HNF1A: variants seen among roughly 807,000 people sequenced by gnomAD.
The protein encoded by HNF1A is hepatocyte nuclear factor 1-alpha.
Under a neutral mutation model 62.2 loss-of-function variants are expected in HNF1A, and 21 were observed. The ratio of observed to expected loss-of-function variants is 0.34; its 90% CI spans 0.24 to 0.49. HNF1A has a LOEUF of 0.49. HNF1A is among the 20% of genes least tolerant of loss of function. HNF1A has a pLI of 0.99. For missense variants in HNF1A, 687 were observed against 832.3 expected (o/e 0.83, Z 2.15); for synonymous variants, 374 against 366.8 (o/e 1.02, Z -0.22).
rs1405241064 is a variant in HNF1A, at chr12:120,992,351, C to T, written c.527-1169C>T. Among the ~76,000 whole-genome samples the T allele has an allele frequency of 2.0e-5, 3 of 152,228 alleles. No individual in the cohort carries two copies. In the East Asian group the frequency reaches 5.8e-4, roughly 29 times the overall value. On this transcript the variant is annotated intron_variant, in intron 2 of 9. Coordinates refer to ENST00000257555, the MANE Select transcript of HNF1A (RefSeq NM_000545.8). ...GGAAAAGAGCTCTTCTTTTCAGCTA[C>T]TTTCAGTTGAATGACTCTTTTTATA... is the stretch of plus-strand genomic sequence containing the variant.
chr12:121,001,014 G>C, intron 9 of HNF1A, 51 bp from the exon 10 acceptor site: 1 of 1,609,136 alleles, frequency 6.2e-7, no homozygotes, highest in East Asian at 2.2e-5. Flanking sequence ...AGGCAGGTGG[G>C]GTGGGTGTGG....
rs735396 is a variant in HNF1A, at chr12:121,001,041, T to C, written c.1769-24T>C. 587,461 of 1,611,356 alleles carry C rather than the reference T, an allele frequency of 0.36. 111,479 individuals are homozygous for C. Among genetic ancestry groups the C allele is most frequent in the Middle Eastern group, 0.55 (3,334 of 6,058 alleles). On this transcript the variant is annotated intron_variant, in intron 9 of 9. Coordinates refer to ENST00000257555, the MANE Select transcript of HNF1A (RefSeq NM_000545.8). ...TGGGTGTGGGTGCCTGGTGGGTGGC[T>C]AGCAGCCTTGTTTGCCTCTGCAGTG...
chr12:120,989,053 G>A lies in HNF1A; in HGVS notation c.526+21G>A, dbSNP rs189361737. On this transcript the variant is annotated intron_variant, in intron 2 of 9. Coordinates refer to ENST00000257555, the MANE Select transcript of HNF1A (RefSeq NM_000545.8). ...GCAGCGTAAGTAATGACCCTACCCC[G>A]CATCTTCCCTGGGAGGGCCCAGGAC... The A allele has an allele frequency of 1.6e-5, 26 of 1,612,074 alleles. No individual in the cohort carries two copies. In the East Asian group the frequency reaches 2.5e-4, roughly 15 times the overall value.
chr12:121,000,873 G>A, intron 9 of HNF1A, 192 bp from the exon 10 acceptor site: 1 of 699,120 alleles, frequency 1.4e-6, no homozygotes, highest in South Asian at 1.7e-5. Flanking sequence ...CACTCCATGG[G>A]CGGCCGTGGA....
intron 1 of HNF1A, 144 bp downstream of exon 1, chr12:120,979,238 GC>G: frequency 1.3e-6 from 1 of 767,580 alleles, no homozygotes; most frequent in Non-Finnish European, 2.2e-6. Flanking sequence ...GCCCATGAGA[GC>G]CCAGGGGTCC....
In HNF1A at chr12:121,001,456, C is replaced by G. The variant is rs974407604; in HGVS notation, c.*264C>G. ...TCATGGCAGATGTAGGAGGGACTGT[C>G]GCTGCTTCGTGGGATACAGTCTTCT... On this transcript the variant is annotated 3_prime_UTR_variant, in exon 10 of 10. Transcript: ENST00000257555. The G allele has an allele frequency of 1.9e-6, 1 of 520,294 alleles. No homozygotes were observed. Among genetic ancestry groups the G allele is most frequent in the African/African-American group, 1.9e-5 (1 of 52,638 alleles). The allele number at this position is 520,294 out of a possible 1,614,324, so 32.2% of individuals were successfully genotyped here. A position where few individuals can be genotyped will look rare whatever the true frequency, so the allele number is the denominator to read the frequency against.
chr12:121,001,833 G>A lies in HNF1A; in HGVS notation c.*641G>A, dbSNP rs1426692846. The A allele has an allele frequency of 1.9e-6, 1 of 532,930 alleles. No individual in the cohort carries two copies. The highest frequency in any genetic ancestry group is 1.9e-5 in the African/African-American group (1 of 53,868). 33.0% of individuals were successfully genotyped at this position (532,930 alleles called of 1,614,324 possible). ...GAGGCCGAAGCTAACAGGGAAGGCA[G>A]GCAGGGCTCTCCTGGCTTCCCATCC... On this transcript the variant is annotated 3_prime_UTR_variant, in exon 10 of 10. Transcript: ENST00000257555.
At position 120,978,650 on chromosome 12, in the gene HNF1A, G is replaced by A. The variant is rs371945966; in HGVS notation, c.-119G>A. On this transcript the variant is annotated 5_prime_UTR_variant, in exon 1 of 10. Coordinates refer to ENST00000257555, the MANE Select transcript of HNF1A (RefSeq NM_000545.8). The stretch of plus-strand genomic sequence containing the variant: ...GCTTGGCTAGTGGGGTTTTGGGGGG[G>A]CAGTGGGTGCAAGGAGTTTGGTTTG... The A allele has an allele frequency of 2.3e-5, 22 of 947,560 alleles. No individual in the cohort carries two copies. The African/African-American group carries it at 2.7e-4, about 12-fold the overall frequency. 58.7% of individuals were successfully genotyped at this position (947,560 alleles called of 1,614,324 possible).
intron 4 of HNF1A, among the ~76,000 whole-genome samples, chr12:120,995,922 C>T (rs1877076417): frequency 6.6e-6 from 1 of 152,198 alleles, no homozygotes; most frequent in African/African-American, 2.4e-5. Context: ...CAATTCAATT[C>T]ATTCATTTCA....
At position 120,978,954 on chromosome 12, in the gene HNF1A, T is replaced by C. The variant is rs1202840595; in HGVS notation, c.186T>C (p.Asn62=). 6.2e-7 allele frequency: 1 copy of C among 1,609,008 alleles called. No homozygotes were observed. The highest frequency in any genetic ancestry group is 8.5e-7 in the Non-Finnish European group (1 of 1,177,898). Reference sequence around the variant, plus strand: ...GAGGGGAGCTGGCTGAGCTGCCCAATGGGCTGGGGGAGACTCGGGGCTCCG... The same window carrying C: ...GAGGGGAGCTGGCTGAGCTGCCCAACGGGCTGGGGGAGACTCGGGGCTCCG... ...GGRGELAELP[N]GLGETRGSED... The change falls in exon 1 of 10, where the codon AAT becomes AAC. Residue 62 remains asparagine, a synonymous_variant. Coordinates refer to ENST00000257555, the MANE Select transcript of HNF1A (RefSeq NM_000545.8).
chr12:120,999,287 C>A lies in HNF1A; in HGVS notation c.1521C>A (p.Pro507=), dbSNP rs977750039. The A allele has an allele frequency of 1.1e-5, 18 of 1,613,924 alleles. No individual in the cohort carries two copies. Among genetic ancestry groups the A allele is most frequent in the Non-Finnish European group, 1.5e-5 (18 of 1,180,030 alleles). Reference sequence around the variant, plus strand: ...GGCCAGCCCTCTACAGCCACAAGCCCGAGGTGGCCCAGTACACCCACACGG... The same window carrying A: ...GGCCAGCCCTCTACAGCCACAAGCCAGAGGTGGCCCAGTACACCCACACGG... ...QSPHALYSHK[P]EVAQYTHTGL... The change falls in exon 8 of 10, where the codon CCC becomes CCA. Residue 507 remains proline (P), a synonymous_variant. Coordinates refer to ENST00000257555, the MANE Select transcript of HNF1A (RefSeq NM_000545.8).
intron 7 of HNF1A, among the ~76,000 whole-genome samples, chr12:120,998,660 C>G (rs760146529): frequency 1.3e-5 from 2 of 151,970 alleles, no homozygotes; most frequent in Non-Finnish European, 2.9e-5. Context: ...TTCCTAGTGT[C>G]TGTGTGTCTC....
chr12:120,987,142 G>C (rs1036218994), intron 1 of HNF1A, among the ~76,000 whole-genome samples: 26 of 152,080 alleles, frequency 1.7e-4, no homozygotes, highest in African/African-American at 6.3e-4. Context: ...GTACTATGAG[G>C]CCTCTGAATG....
In HNF1A at chr12:120,979,070, A is replaced by G; in HGVS notation, c.302A>G (p.Lys101Arg). 1 of 1,611,198 alleles carries G rather than the reference A, an allele frequency of 6.2e-7. No individual in the cohort carries two copies. Among genetic ancestry groups the G allele is most frequent in the Admixed American group, 1.7e-5 (1 of 59,690 alleles). Residue 101 changes from lysine (K) to arginine (R), a missense_variant, in exon 1 of 10, where the codon AAA becomes AGA. Transcript: ENST00000257555. ...NLSPEEAAHQ[K>R]AVVETLLQED... ...AGCCCTGAGGAGGCGGCCCACCAGA[A>G]AGCCGTGGTGGAGACCCTTCTGCAG...
At position 120,978,764 on chromosome 12, in the gene HNF1A, G is replaced by T; in HGVS notation, c.-5G>T. 6.2e-7 allele frequency: 1 copy of T among 1,612,626 alleles called. No individual in the cohort carries two copies. Among genetic ancestry groups the T allele is most frequent in the Non-Finnish European group, 8.5e-7 (1 of 1,179,772 alleles). The stretch of plus-strand genomic sequence containing the variant: ...CGGGCCGCGTGGCCCTGTGGCAGCC[G>T]AGCCATGGTTTCTAAACTGAGCCAG... On this transcript the variant is annotated 5_prime_UTR_variant, in exon 1 of 10. Coordinates refer to ENST00000257555, the MANE Select transcript of HNF1A (RefSeq NM_000545.8).
At chr12:120,995,466 C>G (rs1016834823) in intron 4 of HNF1A, among the ~76,000 whole-genome samples, 2 of 152,130 alleles carry the variant, frequency 1.3e-5, no homozygotes, top group African/African-American at 4.8e-5. Context: ...CCCATCCACT[C>G]AACTCCATTC....
chr12:121,002,390 G>A lies in HNF1A; in HGVS notation c.*1198G>A, dbSNP rs540820462. ...GAGAACCTGGCCTTCAGTGTACCGC[G>A]TCTACCCTGGGATTCAGGAAAAGGC... On this transcript the variant is annotated 3_prime_UTR_variant, in exon 10 of 10. Coordinates refer to ENST00000257555, the MANE Select transcript of HNF1A (RefSeq NM_000545.8). 42 of 525,082 alleles carry A rather than the reference G, an allele frequency of 8.0e-5. 1 individual carries two copies. Among genetic ancestry groups the A allele is most frequent in the African/African-American group, 7.3e-4 (39 of 53,376 alleles). 32.5% of individuals were successfully genotyped at this position (525,082 alleles called of 1,614,324 possible). A position where few individuals can be genotyped will look rare whatever the true frequency, so the allele number is the denominator to read the frequency against.
Position 120,978,906 on chromosome 12 carries a change from G to C in HNF1A, c.138G>C (p.Lys46Asn). The change falls in exon 1 of 10, where the codon AAG (lysine) becomes AAC (asparagine). Residue 46 changes from lysine to asparagine, a missense_variant. Coordinates refer to ENST00000257555, the MANE Select transcript of HNF1A (RefSeq NM_000545.8). Reference protein sequence around the residue: ...YLLAGEGPLDKGESCGGGRGE... With the variant: ...YLLAGEGPLDNGESCGGGRGE... The stretch of plus-strand genomic sequence containing the variant: ...TGGCTGGAGAAGGCCCCCTGGACAA[G>C]GGGGAGTCCTGCGGCGGCGGTCGAG... 6.2e-7 allele frequency: 1 copy of C among 1,612,996 alleles called. No homozygotes were observed. Among genetic ancestry groups the C allele is most frequent in the Admixed American group, 1.7e-5 (1 of 59,872 alleles).
At chr12:120,999,724 C>T in intron 9 of HNF1A, 97 bp downstream of exon 9, 2 of 1,450,880 alleles carry the variant, frequency 1.4e-6, no homozygotes, top group Non-Finnish European at 1.8e-6. Context: ...TGGGGCTGTG[C>T]ATGCAGCAGG....
Sources: gnomAD v4.1 joint callset for allele counts (sites outside exome capture counted in the v4.1 genomes callset) on GRCh38, gnomAD v4.1.1 for gene constraint, MANE v1.5 for transcripts, NCBI Gene and HGNC (gene_info 2026-07-23, HGNC 2026-07-21) for gene names.